Variants in IRF8 observed in about 807,000 individuals in gnomAD.
The protein encoded by IRF8 is interferon consensus sequence binding protein 1.
In IRF8, 14 loss-of-function variants were observed where a neutral mutation model predicts 48.7. That is an observed-to-expected ratio of 0.29 (90% CI 0.19 to 0.45). The LOEUF is 0.45. Ranked by LOEUF, IRF8 falls within the 20% of genes least tolerant of loss-of-function variation. IRF8 has a pLI of 1.00. For synonymous variants in IRF8, 278 were observed against 227.3 expected (o/e 1.22, Z -2.01); for missense variants, 493 against 580.7 (o/e 0.85, Z 1.55).
In IRF8 at chr16:85,913,262, C is replaced by T. The variant is rs771978788; in HGVS notation, c.553+26C>T. The T allele has an allele frequency of 1.2e-5, 18 of 1,521,890 alleles. No individual in the cohort carries two copies. In the South Asian group the frequency reaches 2.0e-4, roughly 17 times the overall value. 94.3% of individuals were successfully genotyped at this position (1,521,890 alleles called of 1,614,324 possible). A position where few individuals can be genotyped will look rare whatever the true frequency, so the allele number is the denominator to read the frequency against. ...GTGAGGGTGGGTGGCCTAGAATTGTCACCAGGCATGGCCTGAAGGGTTTAC... is the reference window on the plus strand; with the variant it reads ...GTGAGGGTGGGTGGCCTAGAATTGTTACCAGGCATGGCCTGAAGGGTTTAC... On this transcript the variant is annotated intron_variant, in intron 5 of 8. Transcript: ENST00000268638.
chr16:85,914,258 C>T, intron 5 of IRF8: 7 of 609,442 alleles, frequency 1.1e-5, no homozygotes, highest in Non-Finnish European at 1.8e-5. Flanking sequence ...AGGAAGTCCC[C>T]CCGACTTGCC....
At chr16:85,917,741 A>G (rs1174826312) in intron 6 of IRF8, among the ~76,000 whole-genome samples, 1 of 152,166 alleles carries the variant, frequency 6.6e-6, no homozygotes, top group Non-Finnish European at 1.5e-5. Flanking sequence ...AGGTAATCAG[A>G]GGTTGGAAGA....
At chr16:85,903,392 T>C in intron 2 of IRF8, 1 of 588,706 alleles carries the variant, frequency 1.7e-6, no homozygotes, top group Non-Finnish European at 3.0e-6. Flanking sequence ...GGAGTCACTT[T>C]TGTGGTCGCT....
intron 6 of IRF8, among the ~76,000 whole-genome samples, chr16:85,917,641 G>T (rs1362405616): frequency 1.3e-5 from 2 of 152,190 alleles, no homozygotes; most frequent in African/African-American, 4.8e-5. Flanking sequence ...TGAATTTGGA[G>T]CCCTAAGTTC....
chr16:85,906,541 G>A (rs999212517), intron 2 of IRF8, among the ~76,000 whole-genome samples: 4 of 152,252 alleles, frequency 2.6e-5, no homozygotes, highest in South Asian at 2.1e-4. Context: ...CTTCCTGGCC[G>A]TGGGCCCTGC....
chr16:85,917,427 G>A (rs1481893618), intron 6 of IRF8, among the ~76,000 whole-genome samples: 1 of 152,176 alleles, frequency 6.6e-6, no homozygotes, highest in African/African-American at 2.4e-5. Context: ...GGTTTTCACA[G>A]CCTGGACTGT....
At position 85,918,680 on chromosome 16, in the gene IRF8, G is replaced by C. The variant is rs202107230; in HGVS notation, c.865G>C (p.Val289Leu). The change falls in exon 7 of 9, where the codon GTC (valine) becomes CTC (leucine). Residue 289 changes from valine to leucine, a missense_variant. Physicochemically the swap from Val to Leu is conservative, Grantham distance 32. Transcript: ENST00000268638. ...GCACAGCAGCCGGCAGGGCGTGTTCGTCAAGCGGCTGTGCCAGGGCCGCGT... is the reference window on the plus strand; with the variant it reads ...GCACAGCAGCCGGCAGGGCGTGTTCCTCAAGCGGCTGTGCCAGGGCCGCGT... ...LLHSSRQGVF[V>L]KRLCQGRVFC... is the part of the protein sequence containing the mutation. 1 of 1,611,540 alleles carries C rather than the reference G, an allele frequency of 6.2e-7. No individual in the cohort carries two copies. Among genetic ancestry groups the C allele is most frequent in the Admixed American group, 1.7e-5 (1 of 60,002 alleles).
rs1177860791 is a variant in IRF8, at chr16:85,904,812, C to CTTTTT, written c.174+1639_174+1643dup. On this transcript the variant is annotated intron_variant, in intron 2 of 8. Transcript: ENST00000268638. ...ATTTCTCTCTTGTTTGATTGCAGATCTTTTTTTTTTTTTTTTTTTTGCCTT... is the reference window on the plus strand; with the variant it reads ...ATTTCTCTCTTGTTTGATTGCAGATCTTTTTTTTTTTTTTTTTTTTTTTTTGCCTT... Among the ~76,000 whole-genome samples, 863 of 87,574 alleles carry CTTTTT rather than the reference C, an allele frequency of 9.9e-3. 99 individuals carry two copies. Among genetic ancestry groups the CTTTTT allele is most frequent in the African/African-American group, 0.038 (771 of 20,248 alleles). The allele number at this position is 87,574 out of a possible 152,430, so 57.5% of individuals were successfully genotyped here. A position where few individuals can be genotyped will look rare whatever the true frequency, so the allele number is the denominator to read the frequency against.
intron 8 of IRF8, among the ~76,000 whole-genome samples, chr16:85,920,449 T>A (rs956077909): frequency 2.0e-5 from 3 of 152,140 alleles, no homozygotes; most frequent in Non-Finnish European, 2.9e-5. Flanking sequence ...GGTTTCACCA[T>A]GTTGGCCAGG....
chr16:85,920,908 G>C (rs946349834), intron 8 of IRF8, among the ~76,000 whole-genome samples, 198 bp from the exon 9 acceptor site: 1 of 152,188 alleles, frequency 6.6e-6, no homozygotes, highest in Non-Finnish European at 1.5e-5. Flanking sequence ...GGTGCTGGCT[G>C]TCCCAGCTGG....
intron 2 of IRF8, chr16:85,903,406 A>T: frequency 1.7e-6 from 1 of 573,088 alleles, no homozygotes; most frequent in South Asian, 2.0e-5. Flanking sequence ...GGTCGCTTGT[A>T]TTCTGATGAG....
chr16:85,906,592 T>C (rs1385352515), intron 2 of IRF8, among the ~76,000 whole-genome samples: 1 of 151,972 alleles, frequency 6.6e-6, no homozygotes, highest in African/African-American at 2.4e-5. Context: ...GTGGGGTGAG[T>C]GTGAGCTTGG....
chr16:85,906,873 A>G (rs1045150917), intron 2 of IRF8, among the ~76,000 whole-genome samples: 1 of 151,836 alleles, frequency 6.6e-6, no homozygotes, highest in African/African-American at 2.4e-5. Context: ...ATATTCTACA[A>G]TCCACAGGAC....
At chr16:85,913,884 A>T (rs1002619620) in intron 5 of IRF8, 1 of 171,554 alleles carries the variant, frequency 5.8e-6, no homozygotes, top group African/African-American at 2.4e-5. Context: ...GCTGCTTGAA[A>T]TGCCCCCGCC....
chr16:85,921,543 C>G lies in IRF8; in HGVS notation c.*261C>G, dbSNP rs981616142. The G allele has an allele frequency of 5.3e-5, 26 of 493,268 alleles. No individual in the cohort carries two copies. Among genetic ancestry groups the G allele is most frequent in the Admixed American group, 2.7e-4 (8 of 29,726 alleles). The allele number at this position is 493,268 out of a possible 1,614,324, so 30.6% of individuals were successfully genotyped here. On this transcript the variant is annotated 3_prime_UTR_variant, in exon 9 of 9. Transcript: ENST00000268638. ...ATTTTATTTTCTATCCTTTACCCGT[C>G]ATTATCATTAGTTGCTATGATTCTT...
chr16:85,913,297 C>A, intron 5 of IRF8, 61 bp downstream of exon 5: 2 of 1,205,630 alleles, frequency 1.7e-6, no homozygotes, highest in Non-Finnish European at 2.5e-6. Flanking sequence ...CGGCATTCCA[C>A]CAGCCAGGGA....
intron 3 of IRF8, among the ~76,000 whole-genome samples, chr16:85,910,533 G>A (rs1905112862): frequency 6.6e-6 from 1 of 152,298 alleles, no homozygotes; most frequent in South Asian, 2.1e-4. Context: ...GAATAGAGAA[G>A]TTTCTTTTGG....
intron 2 of IRF8, among the ~76,000 whole-genome samples, chr16:85,905,491 A>C (rs1904970499): frequency 6.6e-6 from 1 of 152,218 alleles, no homozygotes; most frequent in South Asian, 2.1e-4. Context: ...TGATGTGGCA[A>C]TCTGAAATGA....
chr16:85,912,039 C>T (rs191905387), intron 4 of IRF8, among the ~76,000 whole-genome samples: 5 of 152,344 alleles, frequency 3.3e-5, no homozygotes, highest in Non-Finnish European at 7.3e-5. Context: ...GTAAACTTTC[C>T]TTGCTGCCTG....
Sources: allele counts gnomAD v4.1 joint callset (sites outside exome capture counted in the v4.1 genomes callset), GRCh38; gene constraint gnomAD v4.1.1; transcripts MANE v1.5; gene names NCBI Gene and HGNC (gene_info 2026-07-23, HGNC 2026-07-21).